Variants in CADM2 observed in about 807,000 individuals in gnomAD.
The protein encoded by CADM2 is cell adhesion molecule 2.
CADM2 carries 12 observed loss-of-function variants against 49.8 expected under a neutral mutation model. That is an observed-to-expected ratio of 0.24 (90% confidence interval 0.15 to 0.39). The LOEUF (loss-of-function observed/expected upper bound fraction) is 0.39. CADM2 is among the 10% of genes least tolerant of loss of function. CADM2 has a pLI of 1.00. For missense variants in CADM2, 378 were observed against 492.3 expected, an observed-to-expected ratio of 0.77 and a Z score of 2.20; for synonymous variants, 214 against 175.4, an observed-to-expected ratio of 1.22 and a Z score of -1.74.
In CADM2 at chr3:85,630,082, A is replaced by C. The variant is rs1418997027; in HGVS notation, c.62-96440A>C. Among the ~76,000 whole-genome samples, 6 of 152,066 alleles carry C rather than the reference A, an allele frequency of 3.9e-5. No individual in the cohort carries two copies. The East Asian group carries it at 9.7e-4, about 25-fold the overall frequency. ...GTGTAATATTTTTGATCCATTTTAG[A>C]CATTTGCAACACATATGTTCTGTAA... On this transcript the variant is annotated intron_variant, in intron 1 of 9. Transcript: ENST00000383699.
chr3:85,086,239 G>C (rs571314294), intron 1 of CADM2, among the ~76,000 whole-genome samples: 1 of 151,906 alleles, frequency 6.6e-6, no homozygotes, highest in African/African-American at 2.4e-5. Context: ...ATAAGAGTAC[G>C]TTAAATTTTT....
chr3:86,026,292 G>T (rs1733894825), intron 8 of CADM2, among the ~76,000 whole-genome samples: 1 of 151,990 alleles, frequency 6.6e-6, no homozygotes, highest in South Asian at 2.1e-4. Context: ...TGTGGAGAGA[G>T]TGTCAGTGTG....
chr3:85,584,064 G>A (rs905021456), intron 1 of CADM2, among the ~76,000 whole-genome samples: 1 of 151,880 alleles, frequency 6.6e-6, no homozygotes, highest in African/African-American at 2.4e-5. Flanking sequence ...TTAAAATTAT[G>A]CAAAAATTTT....
chr3:85,209,076 C>G (rs2041717295), intron 1 of CADM2, among the ~76,000 whole-genome samples: 1 of 152,152 alleles, frequency 6.6e-6, no homozygotes. Context: ...GTGTACAGAA[C>G]TCCTTTTACA....
At chr3:85,898,953 A>ATATATATATATATATATG (rs1715682434) in intron 5 of CADM2, among the ~76,000 whole-genome samples, 1 of 42,802 alleles carries the variant, frequency 2.3e-5, no homozygotes, top group African/African-American at 9.9e-5. Context: ...ATATATATAT[A>ATATATATATATATATATG]TATTTTTTTT....
chr3:85,942,595 T>C (rs138925793), intron 7 of CADM2, among the ~76,000 whole-genome samples: 2,584 of 151,578 alleles, frequency 0.017, 75 homozygotes, highest in African/African-American at 0.06. Flanking sequence ...TATGTTTTTT[T>C]GTTCTTGCGA....
At chr3:86,024,265 A>C (rs1349081990) in intron 8 of CADM2, among the ~76,000 whole-genome samples, 1 of 152,184 alleles carries the variant, frequency 6.6e-6, no homozygotes, top group Non-Finnish European at 1.5e-5. Flanking sequence ...TTTCATTGGC[A>C]AGGGACAGAT....
chr3:85,395,024 T>C (rs539364348), intron 1 of CADM2, among the ~76,000 whole-genome samples: 29 of 152,194 alleles, frequency 1.9e-4, no homozygotes, highest in African/African-American at 6.7e-4. Flanking sequence ...AAGCAGTTTT[T>C]TGTAATATTT....
rs148987949 is a variant in CADM2 at position 85,554,605 on chromosome 3, A to G, written c.62-171917A>G. Reference sequence around the variant, plus strand: ...TACCACTGCTAAAATGTGCATCTGAATAAAAGGGCATACGTAAGTTTTTAT... The same window carrying G: ...TACCACTGCTAAAATGTGCATCTGAGTAAAAGGGCATACGTAAGTTTTTAT... On this transcript the variant is annotated intron_variant, in intron 1 of 9. Coordinates refer to ENST00000383699, the MANE Select transcript of CADM2 (RefSeq NM_001167675.2). Among the ~76,000 whole-genome samples, 703 of 152,346 alleles carry G rather than the reference A, an allele frequency of 4.6e-3. 8 individuals are homozygous for G. Among genetic ancestry groups the G allele is most frequent in the African/African-American group, 0.016 (679 of 41,592 alleles).
chr3:85,448,033 CAAA>C (rs907041787), intron 1 of CADM2, among the ~76,000 whole-genome samples: 1 of 151,978 alleles, frequency 6.6e-6, no homozygotes, highest in African/African-American at 2.4e-5. Context: ...TTTAATTGCA[CAAA>C]ATCCTAGCAA....
intron 1 of CADM2, among the ~76,000 whole-genome samples, chr3:85,446,877 C>T (rs1256510639): frequency 1.3e-5 from 2 of 149,714 alleles, no homozygotes; most frequent in Non-Finnish European, 3.0e-5. Context: ...GCTGGGATTA[C>T]AGGCATGAGC....
chr3:85,210,965 C>T (rs996426968), intron 1 of CADM2, among the ~76,000 whole-genome samples: 2 of 152,046 alleles, frequency 1.3e-5, no homozygotes, highest in Admixed American at 1.3e-4. Context: ...CATTACTTGT[C>T]ATTTGTCTTT....
chr3:85,090,581 T>C (rs1249615588), intron 1 of CADM2, among the ~76,000 whole-genome samples: 5 of 152,150 alleles, frequency 3.3e-5, no homozygotes, highest in Non-Finnish European at 7.3e-5. Context: ...ATTTCTGTGC[T>C]CTCCAACCAA....
At chr3:85,232,555 G>T (rs933611148) in intron 1 of CADM2, among the ~76,000 whole-genome samples, 2 of 151,752 alleles carry the variant, frequency 1.3e-5, no homozygotes, top group South Asian at 2.1e-4. Flanking sequence ...AATATAAAAA[G>T]AACACTTCAA....
intron 1 of CADM2, among the ~76,000 whole-genome samples, chr3:85,061,228 A>G (rs1001143103): frequency 6.6e-6 from 1 of 152,144 alleles, no homozygotes; most frequent in African/African-American, 2.4e-5. Context: ...ATGAAAATAT[A>G]CCCTTGTCAA....
intron 1 of CADM2, among the ~76,000 whole-genome samples, chr3:85,674,273 G>T (rs556752729): frequency 6.6e-6 from 1 of 152,224 alleles, no homozygotes; most frequent in Non-Finnish European, 1.5e-5. Context: ...CTCCATGCTA[G>T]CACACCCAAG....
chr3:85,673,940 G>C (rs2107640582), intron 1 of CADM2, among the ~76,000 whole-genome samples: 1 of 152,184 alleles, frequency 6.6e-6, no homozygotes, highest in East Asian at 1.9e-4. Flanking sequence ...TAAATGAAAA[G>C]ACCCTGGGAT....
At chr3:85,598,840 TAA>T (rs2063317774) in intron 1 of CADM2, among the ~76,000 whole-genome samples, 4 of 94,152 alleles carry the variant, frequency 4.2e-5, no homozygotes, top group African/African-American at 5.7e-5. Context: ...TGCATATACT[TAA>T]GTGTGTGTGT....
intron 2 of CADM2, among the ~76,000 whole-genome samples, chr3:85,738,046 C>A (rs1474644514): frequency 6.6e-6 from 1 of 152,170 alleles, no homozygotes; most frequent in Non-Finnish European, 1.5e-5. Context: ...TTGGCCTGAA[C>A]AATCACCAAA....
Sources: allele counts gnomAD v4.1 joint callset (sites outside exome capture counted in the v4.1 genomes callset), GRCh38; gene constraint gnomAD v4.1.1; transcripts MANE v1.5; gene names NCBI Gene and HGNC (gene_info 2026-07-23, HGNC 2026-07-21).